The following XKR9 variants were observed in gnomAD, a reference collection of about 807,000 sequenced individuals.
XKR9 encodes the protein XK-related protein 9.
Under a neutral mutation model 32.0 loss-of-function variants are expected in XKR9, and 32 were observed. That is an observed-to-expected ratio of 1.00 (90% CI 0.76 to 1.34). The LOEUF (loss-of-function observed/expected upper bound fraction) is 1.34. Ranked by LOEUF, XKR9 falls within the 40% of genes most tolerant of loss-of-function variation. The pLI is 0.00. For missense variants in XKR9, 546 were observed against 429.7 expected (o/e 1.27, Z -2.39); for synonymous variants, 168 against 143.4 (o/e 1.17, Z -1.22).
In XKR9 at chr8:70,735,570, G is replaced by A. The variant is rs924164443; in HGVS notation, c.*1146G>A. On this transcript the variant is annotated 3_prime_UTR_variant, in exon 5 of 5. Transcript: ENST00000408926. ...GCTGGTGTGCTGCACCCATTAACTCGTCATTTATCATTAGGTATATCTCCT... is the reference window on the plus strand; with the variant it reads ...GCTGGTGTGCTGCACCCATTAACTCATCATTTATCATTAGGTATATCTCCT... The A allele has an allele frequency of 1.5e-4, 22 of 149,932 alleles. No homozygotes were observed. The highest frequency in any genetic ancestry group is 3.5e-3 in the Middle Eastern group (1 of 288). The allele number at this position is 149,932 out of a possible 1,614,324, so 9.3% of individuals were successfully genotyped here.
At chr8:70,767,500 T>TC (rs1563473880) in intron 2 of XKR9, among the ~76,000 whole-genome samples, 2 of 137,734 alleles carry the variant, frequency 1.5e-5, no homozygotes. Context: ...TTCCTTCTTT[T>TC]TTTTTTTTTT....
the XKR9 span, among the ~76,000 whole-genome samples, chr8:71,000,194 C>T: frequency 6.6e-6 from 1 of 152,142 alleles, no homozygotes; most frequent in African/African-American, 2.4e-5. Context: ...TAAAGAAGCT[C>T]TAGAGACAAA....
intron 2 of XKR9, among the ~76,000 whole-genome samples, chr8:70,759,588 T>G (rs1185461919): frequency 2.0e-5 from 3 of 152,204 alleles, no homozygotes; most frequent in Non-Finnish European, 4.4e-5. Context: ...GCAGAAGTAT[T>G]TTCAGTAGGT....
the XKR9 span, among the ~76,000 whole-genome samples, chr8:70,818,583 G>C: frequency 6.6e-6 from 1 of 152,132 alleles, no homozygotes; most frequent in Middle Eastern, 3.4e-3. Context: ...GTGTCCTTAG[G>C]GATTCTTGAT....
the XKR9 span, among the ~76,000 whole-genome samples, chr8:70,968,982 A>G: frequency 6.6e-6 from 1 of 152,158 alleles, no homozygotes; most frequent in Non-Finnish European, 1.5e-5. Flanking sequence ...CAGTTGCACC[A>G]TGCTGGGGGA....
the XKR9 span, among the ~76,000 whole-genome samples, chr8:70,834,539 T>G: frequency 6.6e-6 from 1 of 152,162 alleles, no homozygotes; most frequent in Admixed American, 6.5e-5. Flanking sequence ...TCACATTTGA[T>G]GTTGCTTAAA....
the XKR9 span, among the ~76,000 whole-genome samples, chr8:70,802,093 C>T: frequency 1.4e-4 from 22 of 152,054 alleles, no homozygotes; most frequent in Admixed American, 3.9e-4. Context: ...CCCACCACCA[C>T]GCCCGGCTAT....
chr8:70,682,812 A>T (rs191241828), intron 3 of XKR9, among the ~76,000 whole-genome samples: 33 of 152,306 alleles, frequency 2.2e-4, no homozygotes, highest in African/African-American at 7.2e-4. Context: ...TAGTTTCAAA[A>T]TTTGGCACAT....
At chr8:70,876,262 C>A in the XKR9 span, among the ~76,000 whole-genome samples, 2 of 146,414 alleles carry the variant, frequency 1.4e-5, no homozygotes, top group Admixed American at 7.0e-5. Flanking sequence ...TGCCCAGTGG[C>A]CCAGGCTGGA....
chr8:70,717,292 G>A (rs1473025158), intron 4 of XKR9, among the ~76,000 whole-genome samples: 2 of 152,186 alleles, frequency 1.3e-5, no homozygotes, highest in African/African-American at 4.8e-5. Context: ...CTCTGTGTGT[G>A]AGCTCCAACC....
chr8:70,718,396 C>G (rs1476435091), intron 4 of XKR9, among the ~76,000 whole-genome samples: 3 of 151,962 alleles, frequency 2.0e-5, no homozygotes, highest in Admixed American at 1.3e-4. Context: ...TGTTGGTTTG[C>G]TGCACATATT....
intron 2 of XKR9, among the ~76,000 whole-genome samples, chr8:70,774,143 T>C (rs1807488622): frequency 6.6e-6 from 1 of 152,268 alleles, no homozygotes; most frequent in African/African-American, 2.4e-5. Flanking sequence ...ATTGGCAGTG[T>C]CTGTCATATA....
chr8:70,687,880 T>C (rs1454037794), intron 3 of XKR9, among the ~76,000 whole-genome samples: 6 of 152,352 alleles, frequency 3.9e-5, no homozygotes, highest in African/African-American at 1.4e-4. Context: ...TGGTCCATCT[T>C]TATGAATGTT....
At chr8:70,923,096 G>A in the XKR9 span, among the ~76,000 whole-genome samples, 8 of 152,220 alleles carry the variant, frequency 5.3e-5, no homozygotes, top group Admixed American at 2.0e-4. Context: ...TCAGAGTGAC[G>A]TCCTGCAGAA....
At chr8:70,711,239 CAG>C in intron 4 of XKR9, among the ~76,000 whole-genome samples, 1 of 152,200 alleles carries the variant, frequency 6.6e-6, no homozygotes, top group South Asian at 2.1e-4. Flanking sequence ...GAGCTTAAAA[CAG>C]AATTACCATT....
chr8:71,030,060 AT>A, the XKR9 span, among the ~76,000 whole-genome samples: 5 of 152,028 alleles, frequency 3.3e-5, no homozygotes, highest in African/African-American at 1.2e-4. Flanking sequence ...ACACATTTTT[AT>A]TTATATAGGA....
At chr8:70,983,225 T>C in the XKR9 span, among the ~76,000 whole-genome samples, 1 of 152,354 alleles carries the variant, frequency 6.6e-6, no homozygotes, top group Non-Finnish European at 1.5e-5. Flanking sequence ...TTTTCTGGAC[T>C]AGTCCTTGTT....
At chr8:70,846,390 A>G in the XKR9 span, among the ~76,000 whole-genome samples, 1 of 152,088 alleles carries the variant, frequency 6.6e-6, no homozygotes, top group Non-Finnish European at 1.5e-5. Flanking sequence ...AGAAAACACA[A>G]ATGAAGAGAA....
At chr8:70,887,235 A>C in the XKR9 span, among the ~76,000 whole-genome samples, 2 of 151,998 alleles carry the variant, frequency 1.3e-5, no homozygotes, top group Non-Finnish European at 1.5e-5. Flanking sequence ...ATGGTTGTAG[A>C]TGTGTGGTGT....
Sources: allele counts gnomAD v4.1 joint callset (sites outside exome capture counted in the v4.1 genomes callset), GRCh38; gene constraint gnomAD v4.1.1; transcripts MANE v1.5; gene names NCBI Gene and HGNC (gene_info 2026-07-23, HGNC 2026-07-21).